The following SGIP1 variants were observed in gnomAD, a reference collection of about 807,000 sequenced individuals.
The protein encoded by SGIP1 is SH3-containing GRB2-like protein 3-interacting protein 1.
SGIP1 carries 38 observed loss-of-function variants against 107.5 expected under a neutral mutation model. The ratio of observed to expected loss-of-function variants is 0.35; its 90% CI spans 0.27 to 0.46. The LOEUF (loss-of-function observed/expected upper bound fraction) is 0.46. Ranked by LOEUF, SGIP1 falls within the 20% of genes least tolerant of loss-of-function variation. The pLI, the probability that SGIP1 is intolerant of heterozygous loss-of-function variation, is 1.00. For synonymous variants in SGIP1, 365 were observed against 366.1 expected (o/e 1.00, Z 0.03); for missense variants, 929 against 1,019.5 (o/e 0.91, Z 1.21).
intron 7 of SGIP1, chr1:66,660,038 G>GGAAGGAAGGAAA (rs1557498860): frequency 1.1e-5 from 1 of 91,512 alleles, no homozygotes; most frequent in Non-Finnish European, 1.8e-5. Context: ...AAGGAAGGAA[G>GGAAGGAAGGAAA]GAAAGAAAGA....
intron 7 of SGIP1, chr1:66,660,205 AAGAAAGAAAG>A (rs2081140381): frequency 9.1e-5 from 19 of 208,528 alleles, no homozygotes; most frequent in Non-Finnish European, 1.3e-4. Flanking sequence ...GAAAGAAAGA[AAGAAAGAAAG>A]AGAAAGAAAG....
chr1:66,577,501 A>G (rs2061230911), intron 1 of SGIP1, among the ~76,000 whole-genome samples: 1 of 152,116 alleles, frequency 6.6e-6, no homozygotes, highest in Non-Finnish European at 1.5e-5. Context: ...TCTGACCACA[A>G]CAGGGCCTGG....
intron 18 of SGIP1, among the ~76,000 whole-genome samples, chr1:66,717,160 C>A (rs1480367230): frequency 2.0e-5 from 3 of 152,130 alleles, no homozygotes; most frequent in Non-Finnish European, 4.4e-5. Flanking sequence ...ATTTATCTAT[C>A]CTCCTCACCA....
At chr1:66,621,609 C>T (rs996163952) in intron 1 of SGIP1, among the ~76,000 whole-genome samples, 12 of 152,214 alleles carry the variant, frequency 7.9e-5, no homozygotes, top group African/African-American at 2.4e-4. Flanking sequence ...CCCTTTCCCA[C>T]TCCACTCGGC....
chr1:66,583,533 A>G (rs1216315936), intron 1 of SGIP1, among the ~76,000 whole-genome samples: 2 of 152,146 alleles, frequency 1.3e-5, no homozygotes, highest in Non-Finnish European at 2.9e-5. Context: ...AAAAAATACA[A>G]GTTCCTTAGT....
rs1432133509 is a variant in SGIP1 at position 66,630,845 on chromosome 1, A to AAGAGAGAGAGAG, written c.75-2222_75-2221insGAGAGAGAGAGA. Among the ~76,000 whole-genome samples, 15 of 25,222 alleles carry AAGAGAGAGAGAG rather than the reference A, an allele frequency of 5.9e-4. 1 individual carries two copies. Among genetic ancestry groups the AAGAGAGAGAGAG allele is most frequent in the African/African-American group, 2.8e-3 (15 of 5,434 alleles). The allele number at this position is 25,222 out of a possible 152,430, so 16.5% of individuals were successfully genotyped here. A position where few individuals can be genotyped will look rare whatever the true frequency, so the allele number is the denominator to read the frequency against. On this transcript the variant is annotated intron_variant, in intron 2 of 24. Coordinates refer to ENST00000371037, the MANE Select transcript of SGIP1 (RefSeq NM_032291.4). ...AAAGAAAGAAAGAAAGAAAGAAAGA[A>AAGAGAGAGAGAG]AGAAAGAAAGAAAGAAAGAAAGAAA... is the stretch of plus-strand genomic sequence containing the variant.
chr1:66,715,491 G>A (rs1015948278), intron 18 of SGIP1, among the ~76,000 whole-genome samples: 1 of 151,990 alleles, frequency 6.6e-6, no homozygotes, highest in Non-Finnish European at 1.5e-5. Flanking sequence ...TGGGGGAGGT[G>A]GGTAAGGAGA....
chr1:66,667,763 A>T (rs1348156626), intron 9 of SGIP1, among the ~76,000 whole-genome samples: 1 of 152,152 alleles, frequency 6.6e-6, no homozygotes, highest in African/African-American at 2.4e-5. Context: ...ATAGATGGGA[A>T]TCCCAACTCC....
chr1:66,702,922 A>G (rs1342415910), intron 18 of SGIP1, among the ~76,000 whole-genome samples: 1 of 152,212 alleles, frequency 6.6e-6, no homozygotes, highest in Non-Finnish European at 1.5e-5. Flanking sequence ...ATTCTAGAAC[A>G]GGACTTCTCA....
intron 18 of SGIP1, among the ~76,000 whole-genome samples, chr1:66,701,317 C>T (rs2091879120): frequency 6.6e-6 from 1 of 152,158 alleles, no homozygotes; most frequent in Non-Finnish European, 1.5e-5. Context: ...GCACTTACCC[C>T]ACTGAAGGCC....
chr1:66,600,333 T>C (rs1485694361), intron 1 of SGIP1, among the ~76,000 whole-genome samples: 2 of 146,936 alleles, frequency 1.4e-5, no homozygotes, highest in East Asian at 4.2e-4. Flanking sequence ...TGCTAGAAAC[T>C]AGGGATTCAA....
chr1:66,537,576 T>TA (rs2053922836), intron 1 of SGIP1, among the ~76,000 whole-genome samples: 3 of 152,118 alleles, frequency 2.0e-5, no homozygotes, highest in Admixed American at 1.3e-4. Context: ...TTTGCGTTTT[T>TA]AGTTCCATAT....
chr1:66,672,242 T>C (rs1260679162), intron 11 of SGIP1, among the ~76,000 whole-genome samples: 1 of 152,186 alleles, frequency 6.6e-6, no homozygotes, highest in Non-Finnish European at 1.5e-5. Flanking sequence ...TGCAGGCCCC[T>C]TCCTGATGGG....
intron 1 of SGIP1, among the ~76,000 whole-genome samples, chr1:66,614,973 C>A (rs138465667): frequency 0.031 from 4,733 of 151,054 alleles, 111 homozygotes; most frequent in East Asian, 0.091. Context: ...GCATGTGCCA[C>A]CACGCCCGGC....
In SGIP1 at chr1:66,690,689, A is replaced by G. The variant is rs574343466; in HGVS notation, c.1570+373A>G. On this transcript the variant is annotated intron_variant, in intron 17 of 24. Coordinates refer to ENST00000371037, the MANE Select transcript of SGIP1 (RefSeq NM_032291.4). ...TGTTTAAATTCCAACCATGAACCACATCAGAAATCACAAAATTTAGAACTT... is the reference window on the plus strand; with the variant it reads ...TGTTTAAATTCCAACCATGAACCACGTCAGAAATCACAAAATTTAGAACTT... Among the ~76,000 whole-genome samples the G allele has an allele frequency of 1.2e-4, 18 of 152,368 alleles. No individual in the cohort carries two copies. The South Asian group carries it at 3.5e-3, about 30-fold the overall frequency.
rs200992464 is a variant in SGIP1 at position 66,549,133 on chromosome 1, A to ACCTGCCTGCCTT, written c.10+14772_10+14773insGCCTTCCTGCCT. On this transcript the variant is annotated intron_variant, in intron 1 of 24. Transcript: ENST00000371037. Reference sequence around the variant, plus strand: ...GCCTGAGCTTAAGCTCCTTCTGGCTACCTGCCTTCCTTCCTTCCTTCCTTC... The same window carrying ACCTGCCTGCCTT: ...GCCTGAGCTTAAGCTCCTTCTGGCTACCTGCCTGCCTTCCTGCCTTCCTTCCTTCCTTCCTTC... Among the ~76,000 whole-genome samples the ACCTGCCTGCCTT allele has an allele frequency of 2.0e-3, 251 of 122,924 alleles. 1 individual carries two copies. Among genetic ancestry groups the ACCTGCCTGCCTT allele is most frequent in the Middle Eastern group, 8.9e-3 (2 of 224 alleles). 80.6% of individuals were successfully genotyped at this position (122,924 alleles called of 152,430 possible). A position where few individuals can be genotyped will look rare whatever the true frequency, so the allele number is the denominator to read the frequency against.
intron 19 of SGIP1, among the ~76,000 whole-genome samples, chr1:66,724,383 T>C (rs1442763815): frequency 6.6e-6 from 1 of 152,236 alleles, no homozygotes; most frequent in African/African-American, 2.4e-5. Context: ...CCTTGCATAC[T>C]GGTAGGAAAA....
rs866965924 is a variant in SGIP1 at position 66,610,726 on chromosome 1, T to C, written c.11-15121T>C. ...AAGTCATAGTATAGATTTTTTTTTTTTAATTCCATCGATTTTAAGGATTAT... is the reference window on the plus strand; with the variant it reads ...AAGTCATAGTATAGATTTTTTTTTTCTAATTCCATCGATTTTAAGGATTAT... On this transcript the variant is annotated intron_variant, in intron 1 of 24. Coordinates refer to ENST00000371037, the MANE Select transcript of SGIP1 (RefSeq NM_032291.4). Among the ~76,000 whole-genome samples, 116 of 139,898 alleles carry C rather than the reference T, an allele frequency of 8.3e-4. 1 individual carries two copies. The highest frequency in any genetic ancestry group is 2.8e-3 in the African/African-American group (102 of 36,610). 91.8% of individuals were successfully genotyped at this position (139,898 alleles called of 152,430 possible). A position where few individuals can be genotyped will look rare whatever the true frequency, so the allele number is the denominator to read the frequency against.
At chr1:66,593,507 G>T (rs2064036833) in intron 1 of SGIP1, among the ~76,000 whole-genome samples, 1 of 152,206 alleles carries the variant, frequency 6.6e-6, no homozygotes, top group Non-Finnish European at 1.5e-5. Flanking sequence ...ACATGTGGCT[G>T]ATTTGACACA....
Sources: allele counts gnomAD v4.1 joint callset (sites outside exome capture counted in the v4.1 genomes callset), GRCh38; gene constraint gnomAD v4.1.1; transcripts MANE v1.5; gene names NCBI Gene and HGNC (gene_info 2026-07-23, HGNC 2026-07-21).